The following RUNDC3B variants were observed in gnomAD, a reference collection of about 807,000 sequenced individuals.
The protein encoded by RUNDC3B is RUN domain-containing protein 3B.
In RUNDC3B, 33 loss-of-function variants were observed where a neutral mutation model predicts 58.4. The observed-to-expected ratio is 0.56, with a 90% CI of 0.43 to 0.75. RUNDC3B has a LOEUF of 0.75. Ranked by LOEUF, RUNDC3B falls within the 30% of genes least tolerant of loss-of-function variation. The pLI is 0.00. For missense variants in RUNDC3B, 501 were observed against 535.7 expected, an observed-to-expected ratio of 0.94 and a Z score of 0.64; for synonymous variants, 193 against 195.2, an observed-to-expected ratio of 0.99 and a Z score of 0.10.
At chr7:87,810,532 A>C (rs1836658909) in intron 9 of RUNDC3B, among the ~76,000 whole-genome samples, 1 of 152,152 alleles carries the variant, frequency 6.6e-6, no homozygotes, top group African/African-American at 2.4e-5. Flanking sequence ...GCCTTAGGCT[A>C]ATGGCCTCCT....
Position 87,777,651 on chromosome 7 carries a change from CA to C in RUNDC3B, c.799-144del, listed in dbSNP as rs1019931516. 28 of 577,202 alleles carry C rather than the reference CA, an allele frequency of 4.9e-5. 1 individual carries two copies. The highest frequency in any genetic ancestry group is 4.6e-4 in the South Asian group (16 of 34,792). The allele number at this position is 577,202 out of a possible 1,614,324, so 35.8% of individuals were successfully genotyped here. Reference sequence around the variant, plus strand: ...GTTAAATTTTTATATTCAATTAAGACAAATTTTTTACTAATTTATCAGTAAT... The same window carrying C: ...GTTAAATTTTTATATTCAATTAAGACAATTTTTTACTAATTTATCAGTAAT... On this transcript the variant is annotated intron_variant, in intron 7 of 10. Coordinates refer to ENST00000394654, the MANE Select transcript of RUNDC3B (RefSeq NM_001134405.2).
At chr7:87,827,422 G>A (rs1837876860) in intron 10 of RUNDC3B, among the ~76,000 whole-genome samples, 1 of 152,196 alleles carries the variant, frequency 6.6e-6, no homozygotes, top group African/African-American at 2.4e-5. Context: ...GGGAGGCCGA[G>A]ATTGCAGTGA....
intron 2 of RUNDC3B, among the ~76,000 whole-genome samples, chr7:87,661,167 C>T (rs1824669963): frequency 6.6e-6 from 1 of 151,726 alleles, no homozygotes; most frequent in South Asian, 2.1e-4. Flanking sequence ...TTATGGGGTA[C>T]ATGAGATTTT....
intron 4 of RUNDC3B, among the ~76,000 whole-genome samples, chr7:87,734,741 A>G (rs1584042819): frequency 6.6e-6 from 1 of 152,212 alleles, no homozygotes; most frequent in Middle Eastern, 3.4e-3. Context: ...AATACCAATA[A>G]TCTACAAGCT....
At chr7:87,730,388 A>C (rs542956964) in intron 4 of RUNDC3B, among the ~76,000 whole-genome samples, 1 of 152,240 alleles carries the variant, frequency 6.6e-6, no homozygotes, top group Non-Finnish European at 1.5e-5. Context: ...GGCAGGATTC[A>C]GTGGCCCCTT....
At chr7:87,660,335 A>T (rs1824561140) in intron 2 of RUNDC3B, among the ~76,000 whole-genome samples, 1 of 151,970 alleles carries the variant, frequency 6.6e-6, no homozygotes, top group Non-Finnish European at 1.5e-5. Flanking sequence ...TCTATTTTGT[A>T]TTCTCCTTAA....
chr7:87,649,523 G>C (rs960078450), intron 1 of RUNDC3B, among the ~76,000 whole-genome samples: 3 of 152,146 alleles, frequency 2.0e-5, no homozygotes, highest in Non-Finnish European at 4.4e-5. Context: ...GGAATATGCA[G>C]GTGGATAATT....
intron 3 of RUNDC3B, among the ~76,000 whole-genome samples, chr7:87,705,428 AAAAC>A (rs1007844422): frequency 2.6e-4 from 40 of 152,210 alleles, no homozygotes; most frequent in African/African-American, 9.6e-4. Flanking sequence ...TCCATCTAAG[AAAAC>A]AAACAAAACA....
At chr7:87,820,088 T>C (rs550227797) in intron 10 of RUNDC3B, among the ~76,000 whole-genome samples, 5 of 152,236 alleles carry the variant, frequency 3.3e-5, no homozygotes, top group East Asian at 1.9e-4. Flanking sequence ...AAAAAATTAA[T>C]GAATCCAGGA....
intron 4 of RUNDC3B, 122 bp from the exon 5 acceptor site, chr7:87,739,669 T>TA: frequency 2.4e-6 from 1 of 424,072 alleles, no homozygotes; most frequent in Non-Finnish European, 4.2e-6. Context: ...ATGTTTTTTT[T>TA]AAAAATACAA....
chr7:87,647,105 A>G (rs1823082680), intron 1 of RUNDC3B, among the ~76,000 whole-genome samples: 1 of 152,188 alleles, frequency 6.6e-6, no homozygotes, highest in African/African-American at 2.4e-5. Flanking sequence ...TATCCCATAT[A>G]TATGTAATGG....
At chr7:87,752,086 C>G (rs58726332) in intron 6 of RUNDC3B, among the ~76,000 whole-genome samples, 6,888 of 152,030 alleles carry the variant, frequency 0.045, 170 homozygotes, top group African/African-American at 0.074. Flanking sequence ...TAGCATGAAG[C>G]GTTGTTGAAT....
Position 87,673,935 on chromosome 7 carries a change from G to T in RUNDC3B, c.238+22998G>T, listed in dbSNP as rs1204378917. Among the ~76,000 whole-genome samples, 6 of 152,224 alleles carry T rather than the reference G, an allele frequency of 3.9e-5. No individual in the cohort carries two copies. The East Asian group carries it at 9.7e-4, about 24-fold the overall frequency. On this transcript the variant is annotated intron_variant, in intron 2 of 10. Transcript: ENST00000394654. ...GGTGTTTGATTGTGATATAAGGTAG[G>T]TTCAGTCAATTGGCTTCATTTCTGG...
At chr7:87,778,544 T>C (rs553940309) in intron 8 of RUNDC3B, among the ~76,000 whole-genome samples, 1 of 152,272 alleles carries the variant, frequency 6.6e-6, no homozygotes, top group African/African-American at 2.4e-5. Flanking sequence ...TTGGTGTATA[T>C]TATTCCAAAT....
At chr7:87,770,879 C>A (rs2130869912) in intron 7 of RUNDC3B, 130 bp downstream of exon 7, 2 of 591,366 alleles carry the variant, frequency 3.4e-6, no homozygotes, top group Non-Finnish European at 5.6e-6. Context: ...TTTGAATTGT[C>A]CTCCTCTTAA....
chr7:87,822,203 C>A (rs1204334787), intron 10 of RUNDC3B, among the ~76,000 whole-genome samples: 1 of 152,054 alleles, frequency 6.6e-6, no homozygotes, highest in Admixed American at 6.6e-5. Flanking sequence ...AAGAAAAAAA[C>A]AACCCCATCA....
chr7:87,800,716 C>A (rs1836101796), intron 8 of RUNDC3B, among the ~76,000 whole-genome samples: 1 of 151,002 alleles, frequency 6.6e-6, no homozygotes, highest in Non-Finnish European at 1.5e-5. Flanking sequence ...GGCACAATCA[C>A]AGCTCACTGC....
intron 1 of RUNDC3B, among the ~76,000 whole-genome samples, chr7:87,646,377 G>A (rs975591368): frequency 1.3e-5 from 2 of 152,120 alleles, no homozygotes; most frequent in Non-Finnish European, 2.9e-5. Flanking sequence ...TTATCAGACT[G>A]TTAAAGGTGG....
At chr7:87,692,039 G>A (rs1044363705) in intron 2 of RUNDC3B, among the ~76,000 whole-genome samples, 3 of 152,242 alleles carry the variant, frequency 2.0e-5, no homozygotes, top group Non-Finnish European at 4.4e-5. Flanking sequence ...TATAATTAAA[G>A]CAATTACATC....
Sources: allele counts gnomAD v4.1 joint callset (sites outside exome capture counted in the v4.1 genomes callset), GRCh38; gene constraint gnomAD v4.1.1; transcripts MANE v1.5; gene names NCBI Gene and HGNC (gene_info 2026-07-23, HGNC 2026-07-21).